The following PTPRD variants were observed in gnomAD, a reference collection of about 807,000 sequenced individuals.
PTPRD encodes the protein receptor-type tyrosine-protein phosphatase delta.
A neutral mutation model predicts 214.5 loss-of-function variants in PTPRD; 34 were observed. The observed-to-expected ratio is 0.16, with a 90% CI of 0.12 to 0.21. The LOEUF is 0.21. PTPRD is among the 10% of genes least tolerant of loss of function. PTPRD has a pLI of 1.00. For missense variants in PTPRD, 2,545 were observed against 2,398.7 expected, an observed-to-expected ratio of 1.06 and a Z score of -1.27; for synonymous variants, 1,128 against 845.7, an observed-to-expected ratio of 1.33 and a Z score of -5.79.
Position 9,974,689 on chromosome 9 carries a change from A to T in PTPRD, c.-471-36079T>A, listed in dbSNP as rs367887122. Among the ~76,000 whole-genome samples, 3 of 152,160 alleles carry T rather than the reference A, an allele frequency of 2.0e-5. No individual in the cohort carries two copies. In the East Asian group the frequency reaches 5.8e-4, roughly 29 times the overall value. On this transcript the variant is annotated intron_variant, in intron 4 of 45. Coordinates refer to ENST00000381196, the MANE Select transcript of PTPRD (RefSeq NM_002839.4). ...AACACTTCCATACACAGTTATGGCA[A>T]GCATATTTTATTCCTTCTTCTACCC...
chr9:9,783,037 A>G (rs1422381975), intron 5 of PTPRD, among the ~76,000 whole-genome samples: 1 of 152,146 alleles, frequency 6.6e-6, no homozygotes, highest in Non-Finnish European at 1.5e-5. Flanking sequence ...TTCTGCCTTT[A>G]TATGTATGTT....
chr9:10,412,133 T>C (rs1045636306), intron 2 of PTPRD, among the ~76,000 whole-genome samples: 21 of 151,778 alleles, frequency 1.4e-4, no homozygotes, highest in African/African-American at 4.8e-4. Flanking sequence ...TGAAGCCAAA[T>C]GAGAAGAATT....
At chr9:9,684,711 A>ATG (rs368754596) in intron 7 of PTPRD, among the ~76,000 whole-genome samples, 7,636 of 148,288 alleles carry the variant, frequency 0.051, 210 homozygotes, top group Middle Eastern at 0.14. Context: ...GTGTGTGTGT[A>ATG]TGTGTGTGTG....
intron 14 of PTPRD, among the ~76,000 whole-genome samples, chr9:8,629,879 T>A (rs987545268): frequency 6.6e-6 from 1 of 151,772 alleles, no homozygotes; most frequent in African/African-American, 2.4e-5. Context: ...CCTGAGCTTG[T>A]GGTTATCCCT....
intron 39 of PTPRD, among the ~76,000 whole-genome samples, chr9:8,346,322 T>C (rs1434043616): frequency 2.0e-5 from 3 of 152,142 alleles, no homozygotes; most frequent in African/African-American, 4.8e-5. Context: ...AAAGGTAATA[T>C]ATAAAACTCA....
intron 3 of PTPRD, among the ~76,000 whole-genome samples, chr9:10,133,417 T>C (rs985377942): frequency 6.6e-6 from 1 of 152,138 alleles, no homozygotes; most frequent in African/African-American, 2.4e-5. Flanking sequence ...CCACCTCACA[T>C]CTAGTTTCAG....
rs1383048395 is a variant in PTPRD at position 8,317,349 on chromosome 9, C to T, written c.*525G>A. The T allele has an allele frequency of 1.7e-5, 4 of 232,336 alleles. No homozygotes were observed. Among genetic ancestry groups the T allele is most frequent in the Non-Finnish European group, 3.4e-5 (4 of 117,286 alleles). The allele number at this position is 232,336 out of a possible 1,614,324, so 14.4% of individuals were successfully genotyped here. A position where few individuals can be genotyped will look rare whatever the true frequency, so the allele number is the denominator to read the frequency against. On this transcript the variant is annotated 3_prime_UTR_variant, in exon 46 of 46. Coordinates refer to ENST00000381196, the MANE Select transcript of PTPRD (RefSeq NM_002839.4). ...CAGTTAGAAATGAAGCACAGGTCAG[C>T]AGTATCTTTACAATACTAAAAAACT...
chr9:9,796,345 T>G (rs1168310597), intron 5 of PTPRD, among the ~76,000 whole-genome samples: 1 of 152,084 alleles, frequency 6.6e-6, no homozygotes. Context: ...GGATTCAAGG[T>G]TTGCATAGAA....
At chr9:8,728,018 C>T (rs539071002) in intron 12 of PTPRD, among the ~76,000 whole-genome samples, 2 of 152,152 alleles carry the variant, frequency 1.3e-5, no homozygotes, top group South Asian at 2.1e-4. Flanking sequence ...GAGGCCACGG[C>T]GGGCGGATCA....
intron 14 of PTPRD, among the ~76,000 whole-genome samples, chr9:8,585,612 C>T (rs2093587297): frequency 6.6e-6 from 1 of 152,208 alleles, no homozygotes; most frequent in Non-Finnish European, 1.5e-5. Context: ...GTAGTCCTAA[C>T]TCTATATGTA....
chr9:9,234,354 G>A (rs2099965188), intron 9 of PTPRD, among the ~76,000 whole-genome samples: 1 of 152,134 alleles, frequency 6.6e-6, no homozygotes, highest in African/African-American at 2.4e-5. Flanking sequence ...GCGGGCCCTG[G>A]GCCCAGCCCA....
chr9:8,466,571 C>G (rs1183089541), intron 31 of PTPRD, among the ~76,000 whole-genome samples: 1 of 151,916 alleles, frequency 6.6e-6, no homozygotes, highest in East Asian at 1.9e-4. Context: ...CCTTTGACTT[C>G]TCCAATTAAA....
At chr9:9,440,793 G>A (rs1422090446) in intron 8 of PTPRD, among the ~76,000 whole-genome samples, 7 of 152,052 alleles carry the variant, frequency 4.6e-5, no homozygotes, top group Non-Finnish European at 7.3e-5. Context: ...TGTTTCAATC[G>A]CAATAATATG....
chr9:8,722,906 A>T (rs1016064684), intron 12 of PTPRD, among the ~76,000 whole-genome samples: 4 of 152,204 alleles, frequency 2.6e-5, no homozygotes, highest in Admixed American at 2.6e-4. Context: ...GCTGGTGCAA[A>T]GAAAATTTCA....
chr9:10,194,343 TATAGAGAGAGAG>T (rs1269908241), intron 3 of PTPRD, among the ~76,000 whole-genome samples: 19 of 41,006 alleles, frequency 4.6e-4, no homozygotes, highest in South Asian at 1.9e-3. Flanking sequence ...TATATATATA[TATAGAGAGAGAG>T]AGAGAGAGAG....
At chr9:9,463,076 G>T (rs62533168) in intron 8 of PTPRD, among the ~76,000 whole-genome samples, 9,794 of 150,342 alleles carry the variant, frequency 0.065, 378 homozygotes, top group South Asian at 0.12. Flanking sequence ...ACCTAGTTTC[G>T]AAGAGACTAA....
chr9:9,584,019 CA>C (rs1280979674), intron 7 of PTPRD, among the ~76,000 whole-genome samples: 1 of 152,022 alleles, frequency 6.6e-6, no homozygotes, highest in Non-Finnish European at 1.5e-5. Context: ...TGGTAACTCT[CA>C]AACTCAAATG....
chr9:8,609,078 AC>A (rs2095347112), intron 14 of PTPRD, among the ~76,000 whole-genome samples: 1 of 152,196 alleles, frequency 6.6e-6, no homozygotes, highest in East Asian at 1.9e-4. Context: ...CAAAATTCTC[AC>A]ATCTTGTCTC....
chr9:9,832,709 T>A (rs1433330137), intron 5 of PTPRD, among the ~76,000 whole-genome samples: 1 of 151,940 alleles, frequency 6.6e-6, no homozygotes, highest in African/African-American at 2.4e-5. Context: ...ATAGACACTT[T>A]CCTATCAGTG....
Sources: allele counts gnomAD v4.1 joint callset (sites outside exome capture counted in the v4.1 genomes callset), GRCh38; gene constraint gnomAD v4.1.1; transcripts MANE v1.5; gene names NCBI Gene and HGNC (gene_info 2026-07-23, HGNC 2026-07-21).